Variants in TTC28 observed in about 807,000 individuals in gnomAD.
TTC28 encodes tetratricopeptide repeat domain 28.
TTC28 carries 61 observed loss-of-function variants against 198.0 expected under a neutral mutation model. The observed-to-expected ratio is 0.31, with a 90% confidence interval of 0.25 to 0.38. TTC28 has a LOEUF of 0.38. Ranked by LOEUF, TTC28 falls within the 10% of genes least tolerant of loss-of-function variation. The pLI is 1.00. For missense variants in TTC28, 2,678 were observed against 3,164.0 expected (o/e 0.85, Z 3.69); for synonymous variants, 1,171 against 1,297.8 (o/e 0.90, Z 2.10).
At chr22:28,605,001 C>T (rs2050707521) in intron 2 of TTC28, among the ~76,000 whole-genome samples, 1 of 152,198 alleles carries the variant, frequency 6.6e-6, no homozygotes, top group Admixed American at 6.5e-5. Flanking sequence ...TATTACTTAA[C>T]ATATGTTTAT....
At chr22:28,580,741 G>A (rs1271128362) in intron 2 of TTC28, among the ~76,000 whole-genome samples, 1 of 152,006 alleles carries the variant, frequency 6.6e-6, no homozygotes, top group Non-Finnish European at 1.5e-5. Flanking sequence ...GACAAATCTG[G>A]TATTAATTCC....
chr22:28,387,907 G>T (rs1308790191), intron 2 of TTC28, among the ~76,000 whole-genome samples: 1 of 152,320 alleles, frequency 6.6e-6, no homozygotes, highest in Non-Finnish European at 1.5e-5. Context: ...TTTTAGACAC[G>T]AAGTCCTTAC....
intron 12 of TTC28, among the ~76,000 whole-genome samples, chr22:28,080,368 A>G (rs2146804816): frequency 6.6e-6 from 1 of 152,224 alleles, no homozygotes; most frequent in East Asian, 1.9e-4. Context: ...CATTTTTTTT[A>G]AAGTGACCAT....
chr22:28,609,033 C>T (rs1484343839), intron 2 of TTC28, among the ~76,000 whole-genome samples: 1 of 151,968 alleles, frequency 6.6e-6, no homozygotes, highest in Non-Finnish European at 1.5e-5. Context: ...AAAGTACTGC[C>T]CATACACTGG....
At chr22:28,348,786 T>C (rs1211784957) in intron 2 of TTC28, among the ~76,000 whole-genome samples, 1 of 152,194 alleles carries the variant, frequency 6.6e-6, no homozygotes, top group East Asian at 1.9e-4. Context: ...TCTTTAAACA[T>C]GTCAACTGGA....
chr22:28,365,354 G>C (rs1203506619), intron 2 of TTC28, among the ~76,000 whole-genome samples: 1 of 152,046 alleles, frequency 6.6e-6, no homozygotes, highest in African/African-American at 2.4e-5. Flanking sequence ...TTGCTTTATT[G>C]CAACAGTCTG....
At position 28,112,883 on chromosome 22, in the gene TTC28, C is replaced by T. The variant is rs140911457; in HGVS notation, c.1442-4480G>A. On this transcript the variant is annotated intron_variant, in intron 6 of 22. Coordinates refer to ENST00000397906, the MANE Select transcript of TTC28 (RefSeq NM_001145418.2). ...AGATCCTCACAAAGCCGAGTTCTCA[C>T]GAGGGTGTGTGGAGAAAGGACACAT... Among the ~76,000 whole-genome samples, 504 of 152,158 alleles carry T rather than the reference C, an allele frequency of 3.3e-3. 2 individuals are homozygous for T. The highest frequency in any genetic ancestry group is 0.011 in the African/African-American group (468 of 41,502).
At chr22:28,319,773 T>C (rs1354178441) in intron 2 of TTC28, among the ~76,000 whole-genome samples, 1 of 152,190 alleles carries the variant, frequency 6.6e-6, no homozygotes, top group Non-Finnish European at 1.5e-5. Context: ...ATTTGAATAA[T>C]TTGAAGGGAA....
intron 2 of TTC28, among the ~76,000 whole-genome samples, chr22:28,477,399 C>G (rs1460165411): frequency 6.6e-6 from 1 of 152,138 alleles, no homozygotes; most frequent in Non-Finnish European, 1.5e-5. Flanking sequence ...TTAGCCTATA[C>G]CCTCCAAATT....
intron 14 of TTC28, among the ~76,000 whole-genome samples, chr22:28,010,772 G>A (rs1317571461): frequency 6.6e-6 from 1 of 152,192 alleles, no homozygotes; most frequent in Non-Finnish European, 1.5e-5. Context: ...TCTTGGGAGA[G>A]CCCCCAGGTT....
At chr22:28,016,155 C>G (rs1321060989) in intron 13 of TTC28, among the ~76,000 whole-genome samples, 1 of 152,080 alleles carries the variant, frequency 6.6e-6, no homozygotes, top group Non-Finnish European at 1.5e-5. Flanking sequence ...GGCCAGGGAG[C>G]CCACTCACAT....
chr22:28,629,360 A>G (rs1451870934), intron 2 of TTC28, 192 bp downstream of exon 2: 1 of 579,946 alleles, frequency 1.7e-6, no homozygotes, highest in East Asian at 2.9e-5. Flanking sequence ...TTGCACATGG[A>G]AAGCATGCTA....
chr22:28,624,913 CCCATTAA>C (rs2051054759), intron 2 of TTC28, among the ~76,000 whole-genome samples: 1 of 152,012 alleles, frequency 6.6e-6, no homozygotes, highest in Non-Finnish European at 1.5e-5. Context: ...GGAATTTACC[CCCATTAA>C]AACCAAAGTT....
At chr22:28,402,998 A>AT (rs1218937983) in intron 2 of TTC28, among the ~76,000 whole-genome samples, 1 of 152,232 alleles carries the variant, frequency 6.6e-6, no homozygotes, top group African/African-American at 2.4e-5. Context: ...AGGCCTATCT[A>AT]ACTTCTATAC....
intron 12 of TTC28, among the ~76,000 whole-genome samples, chr22:28,042,228 G>A (rs1285789056): frequency 6.8e-6 from 1 of 148,136 alleles, no homozygotes. Context: ...TCCCATTACT[G>A]GGTATATACC....
At chr22:28,327,431 C>A (rs2045550326) in intron 2 of TTC28, among the ~76,000 whole-genome samples, 1 of 152,106 alleles carries the variant, frequency 6.6e-6, no homozygotes, top group Non-Finnish European at 1.5e-5. Flanking sequence ...TTTATTCAGG[C>A]ATGAGTGATA....
intron 2 of TTC28, among the ~76,000 whole-genome samples, chr22:28,388,012 G>A (rs995544660): frequency 4.6e-5 from 7 of 152,054 alleles, no homozygotes; most frequent in Non-Finnish European, 1.0e-4. Flanking sequence ...ATCTTGAATT[G>A]ATTTTTGTAT....
In TTC28 at chr22:28,163,080, C is replaced by A; in HGVS notation, c.1441+12G>T. ...CTTTGACCTGGGCTCTTACAGGCAACCCTGTTCTTACCTAGATTGGAGGAT... is the reference window on the plus strand; with the variant it reads ...CTTTGACCTGGGCTCTTACAGGCAAACCTGTTCTTACCTAGATTGGAGGAT... On this transcript the variant is annotated intron_variant, in intron 6 of 22. Coordinates refer to ENST00000397906, the MANE Select transcript of TTC28 (RefSeq NM_001145418.2). 6.5e-7 allele frequency: 1 copy of A among 1,538,272 alleles called. No homozygotes were observed. Among genetic ancestry groups the A allele is most frequent in the South Asian group, 1.2e-5 (1 of 81,366 alleles).
intron 2 of TTC28, among the ~76,000 whole-genome samples, chr22:28,553,096 G>C (rs2049715253): frequency 6.6e-6 from 1 of 152,160 alleles, no homozygotes; most frequent in Admixed American, 6.5e-5. Context: ...GTGCTCAATG[G>C]TGCCCAGGCT....
Sources: allele counts gnomAD v4.1 joint callset (sites outside exome capture counted in the v4.1 genomes callset), GRCh38; gene constraint gnomAD v4.1.1; transcripts MANE v1.5; gene names NCBI Gene and HGNC (gene_info 2026-07-23, HGNC 2026-07-21).